The following NOL10 variants were observed in gnomAD, a reference collection of about 807,000 sequenced individuals.
NOL10 encodes nucleolar protein 10.
In NOL10, 58 loss-of-function variants were observed where a neutral mutation model predicts 103.5. The observed-to-expected ratio is 0.56, with a 90% CI of 0.45 to 0.70. The LOEUF (loss-of-function observed/expected upper bound fraction) is 0.70, where lower values mean the gene tolerates loss of function less well. NOL10 is among the 30% of genes least tolerant of loss of function. NOL10 has a pLI of 0.00. For synonymous variants in NOL10, 287 were observed against 282.5 expected (o/e 1.02, Z -0.16); for missense variants, 763 against 807.3 (o/e 0.95, Z 0.67).
intron 13 of NOL10, 83 bp from the exon 14 acceptor site, chr2:10,607,394 A>C: frequency 7.1e-7 from 1 of 1,417,802 alleles, no homozygotes; most frequent in Non-Finnish European, 9.4e-7. Flanking sequence ...AGATTTTGTT[A>C]AACATGATTT....
intron 2 of NOL10, among the ~76,000 whole-genome samples, chr2:10,683,398 T>A (rs750806940): frequency 2.6e-5 from 4 of 152,206 alleles, no homozygotes; most frequent in Non-Finnish European, 4.4e-5. Context: ...ACATGTAAAA[T>A]TCCTTTCTTC....
chr2:10,651,700 G>C (rs548816229), intron 12 of NOL10, among the ~76,000 whole-genome samples: 6 of 151,904 alleles, frequency 3.9e-5, no homozygotes, highest in South Asian at 2.1e-4. Flanking sequence ...ATCCCTGCTC[G>C]TCACCCTTGC....
At chr2:10,618,244 T>TAAA (rs140578202) in intron 13 of NOL10, among the ~76,000 whole-genome samples, 5,605 of 111,230 alleles carry the variant, frequency 0.05, 200 homozygotes, top group African/African-American at 0.17. Flanking sequence ...AGCTGTTTTT[T>TAAA]TAAAAAAAAA....
intron 12 of NOL10, among the ~76,000 whole-genome samples, chr2:10,649,130 G>C (rs564068387): frequency 1.3e-5 from 2 of 152,104 alleles, no homozygotes; most frequent in East Asian, 3.9e-4. Flanking sequence ...GCCACCCTGG[G>C]TGCAGGTGAG....
At position 10,572,139 on chromosome 2, in the gene NOL10, T is replaced by C. The variant is rs767314210; in HGVS notation, c.1999A>G (p.Arg667Gly). 1.9e-6 allele frequency: 3 copies of C among 1,614,032 alleles called. No homozygotes were observed. Among genetic ancestry groups the C allele is most frequent in the Non-Finnish European group, 2.5e-6 (3 of 1,179,896 alleles). ...CCGGCCGAACGACGGAGTCTTTTCC[T>C]TTCTTGTCGATGCAGTTTCTCAGCC... ...QEAEKLHRQE[R>G]KRLRRSAGHL... The change falls in exon 21 of 21, where the codon AGG becomes GGG. Residue 667 changes from arginine to glycine, a missense_variant. Arg to Gly is a moderately radical substitution (Grantham distance 125). Transcript: ENST00000381685.
rs56031158 is a variant in NOL10 at position 10,649,311 on chromosome 2, A to ATTTTT, written c.974-4944_974-4940dup. ...TTTTTCAACTTTTCTGTATGTTTGA[A>ATTTTT]TTTTTTTTTTTTTTTTTTTTTTTTT... is the stretch of plus-strand genomic sequence containing the variant. On this transcript the variant is annotated intron_variant, in intron 12 of 20. Coordinates refer to ENST00000381685, the MANE Select transcript of NOL10 (RefSeq NM_024894.4). Among the ~76,000 whole-genome samples the ATTTTT allele has an allele frequency of 3.5e-3, 346 of 99,040 alleles. 26 individuals carry two copies. The highest frequency in any genetic ancestry group is 0.012 in the African/African-American group (285 of 24,124). 65.0% of individuals were successfully genotyped at this position (99,040 alleles called of 152,430 possible).
intron 1 of NOL10, among the ~76,000 whole-genome samples, chr2:10,688,638 G>A (rs532215657): frequency 6.6e-5 from 10 of 152,252 alleles, no homozygotes; most frequent in East Asian, 1.9e-4. Flanking sequence ...CATTCACCAC[G>A]AAAAGTACTT....
intron 2 of NOL10, 35 bp from the exon 3 acceptor site, chr2:10,682,104 A>T: frequency 1.0e-6 from 1 of 953,914 alleles, no homozygotes; most frequent in Non-Finnish European, 1.5e-6. Flanking sequence ...AGTTTAACTA[A>T]CATGTGCTTA....
rs562106048 is a variant in NOL10 at position 10,681,227 on chromosome 2, G to T, written c.211+744C>A. ...AAAACAGCCTAGCTGTTCATCACAT[G>T]GAGAATGGGTAAATAAACTGTGGCT... On this transcript the variant is annotated intron_variant, in intron 3 of 20. Transcript: ENST00000381685. 3.4e-4 allele frequency among the ~76,000 whole-genome samples: 51 copies of T among 152,112 alleles called. No individual in the cohort carries two copies. The South Asian group carries it at 0.01, about 30-fold the overall frequency.
At chr2:10,687,190 C>T (rs985525522) in intron 1 of NOL10, among the ~76,000 whole-genome samples, 2 of 152,120 alleles carry the variant, frequency 1.3e-5, no homozygotes, top group African/African-American at 2.4e-5. Flanking sequence ...AAATATTAAA[C>T]AGGACAAGCA....
intron 9 of NOL10, among the ~76,000 whole-genome samples, chr2:10,661,299 T>A (rs1398591577): frequency 6.6e-6 from 1 of 152,036 alleles, no homozygotes. Flanking sequence ...GGTCTCAAAC[T>A]CCCGACCTCA....
chr2:10,684,735 G>A lies in NOL10; in HGVS notation c.67-123C>T. 6 of 664,086 alleles carry A rather than the reference G, an allele frequency of 9.0e-6. No individual in the cohort carries two copies. The Admixed American group carries it at 1.2e-4, about 13-fold the overall frequency. The allele number at this position is 664,086 out of a possible 1,614,324, so 41.1% of individuals were successfully genotyped here. On this transcript the variant is annotated intron_variant, in intron 1 of 20. Transcript: ENST00000381685. ...TTCATAGGAATATATAACATAGGAAGCAAAAAATATTCTCTAATCCTAACT... is the reference window on the plus strand; with the variant it reads ...TTCATAGGAATATATAACATAGGAAACAAAAAATATTCTCTAATCCTAACT...
chr2:10,674,484 C>T (rs182854799), intron 4 of NOL10, among the ~76,000 whole-genome samples: 3 of 152,176 alleles, frequency 2.0e-5, no homozygotes, highest in Non-Finnish European at 4.4e-5. Flanking sequence ...TAAGACATTG[C>T]TCCCATGATT....
chr2:10,606,282 T>C (rs1369658712), intron 14 of NOL10, among the ~76,000 whole-genome samples: 1 of 151,266 alleles, frequency 6.6e-6, no homozygotes, highest in Non-Finnish European at 1.5e-5. Context: ...TAGTACCCAA[T>C]CCATAGGGAT....
At chr2:10,586,313 T>C (rs1245625635) in intron 19 of NOL10, among the ~76,000 whole-genome samples, 1 of 151,840 alleles carries the variant, frequency 6.6e-6, no homozygotes, top group Non-Finnish European at 1.5e-5. Context: ...AGCAGATGAA[T>C]TGTATGCTAC....
chr2:10,603,160 G>C lies in NOL10; in HGVS notation c.1154-3C>G. 2 of 1,608,730 alleles carry C rather than the reference G, an allele frequency of 1.2e-6. No individual in the cohort carries two copies. The highest frequency in any genetic ancestry group is 1.7e-6 in the Non-Finnish European group (2 of 1,177,008). On this transcript the variant is annotated splice_region_variant and splice_polypyrimidine_tract_variant and intron_variant, in intron 14 of 20. Coordinates refer to ENST00000381685, the MANE Select transcript of NOL10 (RefSeq NM_024894.4). ...AGATCCAATGAGGTGGGTGAGCCCT[G>C]GGAAAGGTCAAACAGAAGACAGCAG...
At chr2:10,637,271 T>C (rs147774290) in intron 13 of NOL10, among the ~76,000 whole-genome samples, 2 of 140,350 alleles carry the variant, frequency 1.4e-5, no homozygotes, top group African/African-American at 2.7e-5. Context: ...AAAAAGACTA[T>C]AATATCTATT....
intron 3 of NOL10, among the ~76,000 whole-genome samples, chr2:10,678,449 T>C (rs910010781): frequency 6.8e-6 from 1 of 146,642 alleles, no homozygotes; most frequent in African/African-American, 2.5e-5. Context: ...CTAATAAAAG[T>C]AGAGCCTCTA....
chr2:10,627,722 C>CA (rs1157476265), intron 13 of NOL10, among the ~76,000 whole-genome samples: 3 of 148,774 alleles, frequency 2.0e-5, no homozygotes, highest in African/African-American at 7.4e-5. Flanking sequence ...ACAACAACAA[C>CA]AAAAAACACA....
Sources: gnomAD v4.1 joint callset for allele counts (sites outside exome capture counted in the v4.1 genomes callset) on GRCh38, gnomAD v4.1.1 for gene constraint, MANE v1.5 for transcripts, NCBI Gene and HGNC (gene_info 2026-07-23, HGNC 2026-07-21) for gene names.